ADCY8: variants seen among roughly 807,000 people sequenced by gnomAD.
The protein encoded by ADCY8 is adenylate cyclase type 8.
In ADCY8, 51 loss-of-function variants were observed where a neutral mutation model predicts 119.7. The observed-to-expected ratio is 0.43, with a 90% confidence interval of 0.34 to 0.54. The LOEUF is 0.54. Ranked by LOEUF, ADCY8 falls within the 20% of genes least tolerant of loss-of-function variation. ADCY8 has a pLI of 0.03. For synonymous variants in ADCY8, 665 were observed against 651.0 expected (o/e 1.02, Z -0.33); for missense variants, 1,383 against 1,598.8 (o/e 0.87, Z 2.30).
chr8:130,805,122 G>C (rs1005151537), intron 14 of ADCY8, among the ~76,000 whole-genome samples: 3 of 152,138 alleles, frequency 2.0e-5, no homozygotes, highest in African/African-American at 7.2e-5. Flanking sequence ...ATAAAAATGT[G>C]ATAATAATAT....
chr8:130,791,449 T>A (rs987501329), intron 15 of ADCY8, among the ~76,000 whole-genome samples: 10 of 152,376 alleles, frequency 6.6e-5, no homozygotes, highest in African/African-American at 1.9e-4. Context: ...TGCTGACCTC[T>A]GGTTTAAGAA....
At chr8:130,807,557 G>C (rs146256641) in intron 14 of ADCY8, among the ~76,000 whole-genome samples, 1 of 152,156 alleles carries the variant, frequency 6.6e-6, no homozygotes, top group Non-Finnish European at 1.5e-5. Context: ...TACACCATGT[G>C]GGGGCACAGA....
At chr8:130,963,995 G>A (rs1416434802) in intron 2 of ADCY8, among the ~76,000 whole-genome samples, 5 of 152,168 alleles carry the variant, frequency 3.3e-5, no homozygotes, top group Non-Finnish European at 7.4e-5. Flanking sequence ...ACTCAGATGG[G>A]TCATACATTC....
rs149781974 is a variant in ADCY8 at position 130,884,633 on chromosome 8, G to A, written c.2040C>T (p.Gly680=). The A allele has an allele frequency of 9.7e-5, 157 of 1,613,740 alleles. No homozygotes were observed. The highest frequency in any genetic ancestry group is 5.9e-4 in the African/African-American group (44 of 74,970). The stretch of plus-strand genomic sequence containing the variant: ...TGATATGCTCTCTTCTCAATTTATC[G>A]CCACTCCGCAAGTCGATGGTATGTT... ...RIEHTIDLRS[G]DKLRREHIKP... is the part of the protein sequence containing the mutation. The change falls in exon 8 of 18, where the codon GGC becomes GGT. Residue 680 remains glycine, a synonymous_variant. Coordinates refer to ENST00000286355, the MANE Select transcript of ADCY8 (RefSeq NM_001115.3).
chr8:130,783,999 A>C (rs186719881), intron 16 of ADCY8, among the ~76,000 whole-genome samples, 194 bp from the exon 17 acceptor site: 35 of 152,344 alleles, frequency 2.3e-4, no homozygotes, highest in African/African-American at 7.9e-4. Flanking sequence ...ATTTGCTTGC[A>C]AGAGTGTAGT....
intron 1 of ADCY8, among the ~76,000 whole-genome samples, chr8:131,021,410 A>T (rs1280378017): frequency 6.6e-6 from 1 of 152,160 alleles, no homozygotes; most frequent in Non-Finnish European, 1.5e-5. Flanking sequence ...GGTGAAAAAA[A>T]TGTGGGTCTC....
chr8:131,032,184 A>G (rs889420830), intron 1 of ADCY8, among the ~76,000 whole-genome samples: 1 of 152,232 alleles, frequency 6.6e-6, no homozygotes, highest in Non-Finnish European at 1.5e-5. Context: ...AAGAAACCCC[A>G]AGACATTAAT....
chr8:130,986,148 G>A (rs1822395574), intron 2 of ADCY8, among the ~76,000 whole-genome samples: 1 of 152,178 alleles, frequency 6.6e-6, no homozygotes, highest in Non-Finnish European at 1.5e-5. Flanking sequence ...CTTCCAGATG[G>A]AAAATTCCCC....
intron 8 of ADCY8, among the ~76,000 whole-genome samples, chr8:130,873,011 T>C (rs1017519638): frequency 2.0e-5 from 3 of 152,190 alleles, no homozygotes; most frequent in Non-Finnish European, 2.9e-5. Flanking sequence ...ACAAAGAAGC[T>C]GAGAAACCCC....
At position 131,021,157 on chromosome 8, in the gene ADCY8, T is replaced by C. The variant is rs551753615; in HGVS notation, c.960+18217A>G. Among the ~76,000 whole-genome samples, 5 of 152,314 alleles carry C rather than the reference T, an allele frequency of 3.3e-5. No homozygotes were observed. The South Asian group carries it at 8.3e-4, about 25-fold the overall frequency. ...AATATTGATTAGAAATTATATTAGATATTGGTAAAGGAGAACTAAAACAAA... is the reference window on the plus strand; with the variant it reads ...AATATTGATTAGAAATTATATTAGACATTGGTAAAGGAGAACTAAAACAAA... On this transcript the variant is annotated intron_variant, in intron 1 of 17. Coordinates refer to ENST00000286355, the MANE Select transcript of ADCY8 (RefSeq NM_001115.3).
At chr8:130,929,175 C>A (rs1326919356) in intron 5 of ADCY8, among the ~76,000 whole-genome samples, 1 of 150,978 alleles carries the variant, frequency 6.6e-6, no homozygotes, top group Non-Finnish European at 1.5e-5. Context: ...TTATTATTTT[C>A]TTTCTTCTAC....
At chr8:130,985,638 T>A (rs915520311) in intron 2 of ADCY8, among the ~76,000 whole-genome samples, 6 of 152,174 alleles carry the variant, frequency 3.9e-5, no homozygotes, top group Non-Finnish European at 8.8e-5. Context: ...CTTGATTCTC[T>A]GAATGAATTA....
chr8:130,826,223 G>C (rs950104061), intron 12 of ADCY8, among the ~76,000 whole-genome samples: 2 of 151,996 alleles, frequency 1.3e-5, no homozygotes, highest in African/African-American at 2.4e-5. Flanking sequence ...CACATCAAAA[G>C]GTTATCAAGA....
intron 7 of ADCY8, among the ~76,000 whole-genome samples, chr8:130,899,476 C>T (rs72714430): frequency 0.075 from 11,470 of 152,100 alleles, 484 homozygotes; most frequent in Non-Finnish European, 0.1. Context: ...GGTGCTGGCA[C>T]GCGCCGGTAA....
chr8:130,904,384 T>C (rs1819712871), intron 6 of ADCY8, among the ~76,000 whole-genome samples: 2 of 152,140 alleles, frequency 1.3e-5, no homozygotes, highest in Non-Finnish European at 2.9e-5. Context: ...TTCAGTCGTG[T>C]TGATTATATT....
intron 1 of ADCY8, among the ~76,000 whole-genome samples, chr8:131,017,532 A>G (rs1563769492): frequency 6.6e-6 from 1 of 152,200 alleles, no homozygotes; most frequent in Non-Finnish European, 1.5e-5. Context: ...TCTTTATGGT[A>G]TGGGATGGGA....
intron 5 of ADCY8, among the ~76,000 whole-genome samples, chr8:130,918,089 A>G (rs1424117199): frequency 6.6e-6 from 1 of 152,222 alleles, no homozygotes. Context: ...GGTAATACTC[A>G]GGGATAAATA....
At position 131,013,384 on chromosome 8, in the gene ADCY8, G is replaced by A. The variant is rs566769785; in HGVS notation, c.961-22842C>T. On this transcript the variant is annotated intron_variant, in intron 1 of 17. Coordinates refer to ENST00000286355, the MANE Select transcript of ADCY8 (RefSeq NM_001115.3). ...GCCGTAGGGTAAGGGAAGGAGGAAG[G>A]GAAGAGGTCACTTTATGACCAAGCT... 2.0e-5 allele frequency among the ~76,000 whole-genome samples: 3 copies of A among 152,270 alleles called. No homozygotes were observed. The South Asian group carries it at 6.2e-4, about 32-fold the overall frequency.
intron 1 of ADCY8, among the ~76,000 whole-genome samples, chr8:131,025,853 C>T (rs968697888): frequency 2.6e-5 from 4 of 152,184 alleles, no homozygotes; most frequent in African/African-American, 4.8e-5. Flanking sequence ...ATCATGGCCC[C>T]ACATCAAACC....
Sources: gnomAD v4.1 joint callset for allele counts (sites outside exome capture counted in the v4.1 genomes callset) on GRCh38, gnomAD v4.1.1 for gene constraint, MANE v1.5 for transcripts, NCBI Gene and HGNC (gene_info 2026-07-23, HGNC 2026-07-21) for gene names.